Variants in TESPA1 observed in about 807,000 individuals in gnomAD.
TESPA1 encodes the protein thymocyte expressed, positive selection associated 1.
TESPA1 carries 33 observed loss-of-function variants against 57.9 expected under a neutral mutation model. The ratio of observed to expected loss-of-function variants is 0.57; its 90% CI spans 0.43 to 0.76. The LOEUF is 0.76. Among genes scored for constraint, TESPA1 ranks in the 30% least tolerant of loss-of-function variants. The pLI, the probability that TESPA1 is intolerant of heterozygous loss-of-function variation, is 0.00. For synonymous variants in TESPA1, 227 were observed against 228.9 expected (o/e 0.99, Z 0.07); for missense variants, 618 against 632.9 (o/e 0.98, Z 0.25).
At chr12:54,973,982 T>C (rs189812889) in intron 2 of TESPA1, 361 of 857,420 alleles carry the variant, frequency 4.2e-4, no homozygotes, top group Non-Finnish European at 4.8e-4. Context: ...ACTACTTCAA[T>C]TGGACAAATA....
At chr12:54,951,614 A>G (rs544555019) in intron 10 of TESPA1, among the ~76,000 whole-genome samples, 146 of 151,128 alleles carry the variant, frequency 9.7e-4, no homozygotes, top group African/African-American at 3.2e-3. Context: ...AAGCCTTGTC[A>G]CCCAAATAAA....
chr12:54,949,727 C>T lies in TESPA1; in HGVS notation c.*665G>A, dbSNP rs1175016991. 1 of 152,536 alleles carries T rather than the reference C, an allele frequency of 6.6e-6. No homozygotes were observed. The highest frequency in any genetic ancestry group is 1.5e-5 in the Non-Finnish European group (1 of 68,026). 9.4% of individuals were successfully genotyped at this position (152,536 alleles called of 1,614,324 possible). On this transcript the variant is annotated 3_prime_UTR_variant, in exon 11 of 11. Coordinates refer to ENST00000449076, the MANE Select transcript of TESPA1 (RefSeq NM_001136030.3). ...AAGAGACTCTGAATCCTACTTATCT[C>T]TTTTTCTATAAAGATGCAAAATTTT... is the stretch of plus-strand genomic sequence containing the variant.
At position 54,965,741 on chromosome 12, in the gene TESPA1, T is replaced by C. The variant is rs376077069; in HGVS notation, c.446+312A>G. Among the ~76,000 whole-genome samples, 5 of 152,288 alleles carry C rather than the reference T, an allele frequency of 3.3e-5. No individual in the cohort carries two copies. The East Asian group carries it at 5.8e-4, about 18-fold the overall frequency. ...TTCAGTCAACAAATTAGTCAATTAA[T>C]CAATACATTGTTTACTGAGCACCTA... On this transcript the variant is annotated intron_variant, in intron 7 of 10. Transcript: ENST00000449076.
chr12:54,962,604 A>G lies in TESPA1; in HGVS notation c.1294T>C (p.Trp432Arg). The change falls in exon 9 of 11, where the codon TGG (tryptophan) becomes CGG (arginine). Residue 432 changes from tryptophan to arginine, a missense_variant. Transcript: ENST00000449076. ...TTTCTTGCTCTGCTCTTTCTTTTCC[A>G]GAAAGTCTCATCCTTGGCTGGATGG... is the stretch of plus-strand genomic sequence containing the variant. ...ETHPAKDETFWKRKSRARKSL... is the reference protein window; with the variant it reads ...ETHPAKDETFRKRKSRARKSL... 1 of 1,613,904 alleles carries G rather than the reference A, an allele frequency of 6.2e-7. No homozygotes were observed. Among genetic ancestry groups the G allele is most frequent in the East Asian group, 2.2e-5 (1 of 44,870 alleles).
intron 1 of TESPA1, among the ~76,000 whole-genome samples, chr12:54,977,378 G>T (rs531837022): frequency 6.6e-6 from 1 of 152,286 alleles, no homozygotes; most frequent in East Asian, 1.9e-4. Flanking sequence ...GTAACTATGT[G>T]CTTACTAAGC....
At chr12:54,965,865 C>T (rs1951394464) in intron 7 of TESPA1, among the ~76,000 whole-genome samples, 188 bp downstream of exon 7, 3 of 152,186 alleles carry the variant, frequency 2.0e-5, no homozygotes, top group Non-Finnish European at 4.4e-5. Flanking sequence ...GTATTCAGCT[C>T]TGAGAAGACT....
intron 4 of TESPA1, 78 bp from the exon 5 acceptor site, chr12:54,967,314 C>T: frequency 1.3e-5 from 20 of 1,485,504 alleles, no homozygotes; most frequent in Admixed American, 5.7e-5. Flanking sequence ...CCTGCATACA[C>T]GAACATCTTC....
At chr12:54,980,097 A>G (rs1952258832) in intron 1 of TESPA1, among the ~76,000 whole-genome samples, 1 of 152,178 alleles carries the variant, frequency 6.6e-6, no homozygotes, top group African/African-American at 2.4e-5. Context: ...TGACATTAGA[A>G]TAAGAAAATG....
intron 1 of TESPA1, among the ~76,000 whole-genome samples, chr12:54,982,134 A>G (rs1414546500): frequency 1.3e-5 from 2 of 152,162 alleles, no homozygotes; most frequent in South Asian, 2.1e-4. Context: ...CTCCACCTCA[A>G]CCCAGGTGGA....
At chr12:54,966,246 G>T in intron 6 of TESPA1, 95 bp from the exon 7 acceptor site, 4 of 1,560,910 alleles carry the variant, frequency 2.6e-6, no homozygotes, top group Non-Finnish European at 3.5e-6. Flanking sequence ...CCCCTGAACA[G>T]TAGTCTATGC....
chr12:54,963,203 T>A lies in TESPA1; in HGVS notation c.695A>T (p.Asp232Val). 1 of 1,613,642 alleles carries A rather than the reference T, an allele frequency of 6.2e-7. No homozygotes were observed. The highest frequency in any genetic ancestry group is 2.2e-5 in the East Asian group (1 of 44,858). ...ATAGGAGTAGAGACAGAAGAAGGCA[T>A]CAGCAGTGACAGCCAGTGTTTGCAC... Reference protein sequence around the residue: ...KQVQTLAVTADAFFCLYSYVS... With the variant: ...KQVQTLAVTAVAFFCLYSYVS... Residue 232 changes from aspartate to valine, a missense_variant, in exon 9 of 11, where the codon GAT becomes GTT. Around this residue, in one of 3 missense-constraint regions of TESPA1, gnomAD observed 409 missense variants for 420.1 expected, o/e 0.97. Transcript: ENST00000449076.
At chr12:54,976,684 T>A (rs1210852693) in intron 1 of TESPA1, among the ~76,000 whole-genome samples, 2 of 152,168 alleles carry the variant, frequency 1.3e-5, no homozygotes, top group East Asian at 3.9e-4. Flanking sequence ...GCCCTAACAT[T>A]GATGCATCTA....
chr12:54,950,273 A>G lies in TESPA1; in HGVS notation c.*119T>C, dbSNP rs981209965. The G allele has an allele frequency of 1.1e-5, 5 of 456,606 alleles. No individual in the cohort carries two copies. The highest frequency in any genetic ancestry group is 2.0e-5 in the African/African-American group (1 of 50,024). The allele number at this position is 456,606 out of a possible 1,614,324, so 28.3% of individuals were successfully genotyped here. On this transcript the variant is annotated 3_prime_UTR_variant, in exon 11 of 11. Coordinates refer to ENST00000449076, the MANE Select transcript of TESPA1 (RefSeq NM_001136030.3). ...CCTGCAGAGTTTGGGGGTTTGGAGG[A>G]CCAAGGAGTAGGGGCTGGATGTTGA... is the stretch of plus-strand genomic sequence containing the variant.
Position 54,962,993 on chromosome 12 carries a change from G to C in TESPA1, c.905C>G (p.Pro302Arg). ...LYTCPRDRPP[P>R]PHNTPKRNSL... ...GTTCCTTTTGGGGGTGTTGTGGGGT[G>C]GTGGTGGCCGGTCTCGGGGGCATGT... The change falls in exon 9 of 11, where the codon CCA (proline) becomes CGA (arginine). Residue 302 changes from proline (P) to arginine (R), a missense_variant. Pro to Arg is a moderately radical substitution (Grantham distance 103). This residue lies in a region of TESPA1 where 409 missense variants were observed against 420.1 expected (regional missense o/e 0.97). Transcript: ENST00000449076. 6.2e-7 allele frequency: 1 copy of C among 1,613,674 alleles called. No homozygotes were observed. Among genetic ancestry groups the C allele is most frequent in the Middle Eastern group, 1.7e-4 (1 of 6,058 alleles).
intron 1 of TESPA1, among the ~76,000 whole-genome samples, chr12:54,976,552 A>AGGAGGGAG (rs372109874): frequency 1.4e-5 from 2 of 142,318 alleles, no homozygotes; most frequent in East Asian, 2.4e-4. Context: ...GAGGAAAAGA[A>AGGAGGGAG]GGAGGGAGGG....
In TESPA1 at chr12:54,974,537, G is replaced by A; in HGVS notation, c.26C>T (p.Thr9Ile). The change falls in exon 2 of 11, where the codon ACA (threonine) becomes ATA (isoleucine). Residue 9 changes from threonine to isoleucine, a missense_variant. By Grantham distance (89) the Thr-to-Ile change is moderately conservative. Transcript: ENST00000449076. MEASVLSP[T>I]SWEKRRAWLR... ...CCAGGCCCGCCGTTTCTCCCAGGAT[G>A]TGGGGCTCAGCACAGAGGCCTCCAT... The A allele has an allele frequency of 6.3e-7, 1 of 1,598,706 alleles. No individual in the cohort carries two copies. The highest frequency in any genetic ancestry group is 8.5e-7 in the Non-Finnish European group (1 of 1,172,474).
intron 8 of TESPA1, among the ~76,000 whole-genome samples, 187 bp from the exon 9 acceptor site, chr12:54,963,429 C>G (rs1951212527): frequency 6.6e-6 from 1 of 152,116 alleles, no homozygotes; most frequent in Non-Finnish European, 1.5e-5. Context: ...ACACCCCATC[C>G]CATGTAGATA....
intron 1 of TESPA1, among the ~76,000 whole-genome samples, chr12:54,976,022 G>A (rs1180904167): frequency 2.0e-5 from 3 of 152,094 alleles, no homozygotes; most frequent in Admixed American, 1.3e-4. Context: ...CTTTAACCCC[G>A]GGCACGTGGC....
Position 54,984,689 on chromosome 12 carries a change from T to A in TESPA1, c.-150A>T, listed in dbSNP as rs893118140. 2 of 152,244 alleles carry A rather than the reference T, an allele frequency of 1.3e-5. No homozygotes were observed. Among genetic ancestry groups the A allele is most frequent in the Non-Finnish European group, 2.9e-5 (2 of 68,050 alleles). 9.4% of individuals were successfully genotyped at this position (152,244 alleles called of 1,614,324 possible). A position where few individuals can be genotyped will look rare whatever the true frequency, so the allele number is the denominator to read the frequency against. ...AGGTGAAGCAAGTGAGAAAGTATCA[T>A]GTTGTAGATTATGCCTTTCTCCCTG... On this transcript the variant is annotated 5_prime_UTR_variant, in exon 1 of 11. The change abolishes an upstream ATG in the 5' untranslated region. Coordinates refer to ENST00000449076, the MANE Select transcript of TESPA1 (RefSeq NM_001136030.3).
Sources: gnomAD v4.1 joint callset for allele counts (sites outside exome capture counted in the v4.1 genomes callset) on GRCh38, gnomAD v4.1.1 for gene constraint, gnomAD v4.1.1 regional missense constraint, MANE v1.5 for transcripts, NCBI Gene and HGNC (gene_info 2026-07-23, HGNC 2026-07-21) for gene names.